The following FGF14 variants were observed in gnomAD, a reference collection of about 807,000 sequenced individuals.
The protein encoded by FGF14 is fibroblast growth factor 14, also known as fibroblast growth factor homologous factor 4.
In FGF14, 5 loss-of-function variants were observed where a neutral mutation model predicts 25.5. The observed-to-expected ratio is 0.20, with a 90% CI of 0.10 to 0.41. The LOEUF (loss-of-function observed/expected upper bound fraction) is 0.41. Among genes scored for constraint, FGF14 ranks in the 10% least tolerant of loss-of-function variants. The pLI is 1.00. For synonymous variants in FGF14, 138 were observed against 118.3 expected (o/e 1.17, Z -1.08); for missense variants, 222 against 320.1 (o/e 0.69, Z 2.34).
chr13:102,114,205 A>G (rs748414179), intron 1 of FGF14, among the ~76,000 whole-genome samples: 2 of 152,242 alleles, frequency 1.3e-5, no homozygotes, highest in African/African-American at 2.4e-5. Context: ...TGATTACTGT[A>G]TGTCTTTCTG....
intron 1 of FGF14, among the ~76,000 whole-genome samples, chr13:102,044,460 A>G (rs777373246): frequency 6.6e-6 from 1 of 152,002 alleles, no homozygotes; most frequent in Non-Finnish European, 1.5e-5. Context: ...TGTTCAACCT[A>G]ATGGGCATCC....
chr13:102,014,532 G>T (rs1347191425), intron 1 of FGF14, among the ~76,000 whole-genome samples: 2 of 152,076 alleles, frequency 1.3e-5, no homozygotes, highest in Non-Finnish European at 2.9e-5. Context: ...AAAATGATAA[G>T]CAATGCAGAG....
intron 1 of FGF14, among the ~76,000 whole-genome samples, chr13:102,069,966 C>G (rs2043088177): frequency 6.6e-6 from 1 of 152,174 alleles, no homozygotes; most frequent in South Asian, 2.1e-4. Context: ...AGGACATTCA[C>G]CTGCACAAAG....
intron 1 of FGF14, among the ~76,000 whole-genome samples, chr13:102,191,337 T>C (rs911461537): frequency 1.3e-5 from 2 of 152,212 alleles, no homozygotes; most frequent in Non-Finnish European, 1.5e-5. Flanking sequence ...GACTGATCAT[T>C]TGAACAACAT....
chr13:102,363,815 T>C (rs2057634021), intron 1 of FGF14, among the ~76,000 whole-genome samples: 1 of 152,234 alleles, frequency 6.6e-6, no homozygotes, highest in South Asian at 2.1e-4. Flanking sequence ...ATAGCCAAGA[T>C]TCTTTACCTT....
intron 1 of FGF14, among the ~76,000 whole-genome samples, chr13:102,056,955 T>C (rs1263670995): frequency 6.6e-6 from 1 of 151,582 alleles, no homozygotes; most frequent in Non-Finnish European, 1.5e-5. Context: ...TTTTCAACTT[T>C]TAAAATTTGC....
intron 1 of FGF14, among the ~76,000 whole-genome samples, chr13:102,154,029 C>A (rs896346749): frequency 6.6e-6 from 1 of 152,062 alleles, no homozygotes; most frequent in Non-Finnish European, 1.5e-5. Flanking sequence ...TCTGGGTTAT[C>A]CAACTTCAGT....
At chr13:102,145,780 T>G (rs934925497) in intron 1 of FGF14, among the ~76,000 whole-genome samples, 1 of 152,222 alleles carries the variant, frequency 6.6e-6, no homozygotes, top group Non-Finnish European at 1.5e-5. Flanking sequence ...GTTATCTTTA[T>G]GCATTTAGCA....
intron 1 of FGF14, among the ~76,000 whole-genome samples, chr13:102,200,134 A>AAC (rs368764603): frequency 1.3e-5 from 2 of 152,004 alleles, no homozygotes; most frequent in African/African-American, 2.4e-5. Flanking sequence ...TGAAATTGTG[A>AAC]ACACACACAC....
chr13:101,935,227 C>T (rs2035022325), intron 1 of FGF14, among the ~76,000 whole-genome samples: 1 of 152,198 alleles, frequency 6.6e-6, no homozygotes, highest in African/African-American at 2.4e-5. Flanking sequence ...GAGCAGTATC[C>T]TCCTTTCTGC....
chr13:101,912,282 C>A (rs920094847), intron 1 of FGF14, among the ~76,000 whole-genome samples: 1 of 151,966 alleles, frequency 6.6e-6, no homozygotes, highest in African/African-American at 2.4e-5. Context: ...AGTAAGAAGC[C>A]CAGGCACCTG....
chr13:101,833,776 A>G (rs1203198549), intron 3 of FGF14, among the ~76,000 whole-genome samples: 2 of 152,124 alleles, frequency 1.3e-5, no homozygotes, highest in African/African-American at 2.4e-5. Context: ...TTTCATTGCT[A>G]TTCAGCATCT....
At chr13:102,010,338 G>T (rs919025226) in intron 1 of FGF14, among the ~76,000 whole-genome samples, 1 of 152,090 alleles carries the variant, frequency 6.6e-6, no homozygotes, top group African/African-American at 2.4e-5. Context: ...TTTCTACGGA[G>T]AGAGGAAGAA....
chr13:102,354,427 C>A (rs1473950942), intron 1 of FGF14, among the ~76,000 whole-genome samples: 1 of 152,158 alleles, frequency 6.6e-6, no homozygotes, highest in East Asian at 1.9e-4. Context: ...CAAAAGAATG[C>A]CACTGTTTGT....
intron 1 of FGF14, among the ~76,000 whole-genome samples, chr13:102,073,738 C>G (rs2043240900): frequency 6.6e-6 from 1 of 152,156 alleles, no homozygotes; most frequent in African/African-American, 2.4e-5. Context: ...ATTTTTATAT[C>G]AAAGGCCTAT....
intron 3 of FGF14, among the ~76,000 whole-genome samples, chr13:101,754,710 C>T (rs544763661): frequency 2.0e-4 from 31 of 152,040 alleles, no homozygotes; most frequent in Admixed American, 8.5e-4. Context: ...GCCTGGGTGA[C>T]GAAGTAAGAC....
At chr13:102,169,861 T>C (rs2048176472) in intron 1 of FGF14, among the ~76,000 whole-genome samples, 1 of 152,170 alleles carries the variant, frequency 6.6e-6, no homozygotes, top group African/African-American at 2.4e-5. Context: ...TGGGCACATG[T>C]AACTATTGAG....
chr13:101,729,986 T>C (rs2035701995), intron 3 of FGF14, among the ~76,000 whole-genome samples: 1 of 152,174 alleles, frequency 6.6e-6, no homozygotes. Flanking sequence ...TTTGGAGAAC[T>C]GTAAATAGTT....
At chr13:102,234,507 G>T (rs370870087) in intron 1 of FGF14, among the ~76,000 whole-genome samples, 1 of 151,310 alleles carries the variant, frequency 6.6e-6, no homozygotes, top group Non-Finnish European at 1.5e-5. Context: ...AAGGTACTTA[G>T]TACCATGGAA....
Sources: allele counts gnomAD v4.1 joint callset (sites outside exome capture counted in the v4.1 genomes callset), GRCh38; gene constraint gnomAD v4.1.1; transcripts MANE v1.5; gene names NCBI Gene and HGNC (gene_info 2026-07-23, HGNC 2026-07-21).